Variants in CFAP299 observed in about 807,000 individuals in gnomAD.
CFAP299 encodes cilia- and flagella-associated protein 299.
A neutral mutation model predicts 27.0 loss-of-function variants in CFAP299; 21 were observed. The observed-to-expected ratio is 0.78, with a 90% confidence interval of 0.55 to 1.12. The LOEUF is 1.12. CFAP299 is among the 50% of genes most tolerant of loss of function. The pLI, the probability that CFAP299 is intolerant of heterozygous loss-of-function variation, is 0.00. For synonymous variants in CFAP299, 104 were observed against 98.1 expected (o/e 1.06, Z -0.36); for missense variants, 310 against 276.6 (o/e 1.12, Z -0.86).
intron 3 of CFAP299, among the ~76,000 whole-genome samples, chr4:80,696,732 T>C (rs1369580682): frequency 2.0e-5 from 3 of 152,076 alleles, no homozygotes; most frequent in Admixed American, 6.6e-5. Context: ...ACAGTGACAT[T>C]GAGGTGAAGT....
At chr4:80,812,083 A>G (rs1334993058) in intron 3 of CFAP299, among the ~76,000 whole-genome samples, 1 of 152,122 alleles carries the variant, frequency 6.6e-6, no homozygotes, top group Non-Finnish European at 1.5e-5. Flanking sequence ...GAATACAAAC[A>G]GTATTCATAT....
rs190752375 is a variant in CFAP299 at position 80,523,145 on chromosome 4, C to G, written c.243-59948C>G. Among the ~76,000 whole-genome samples, 772 of 152,104 alleles carry G rather than the reference C, an allele frequency of 5.1e-3. 5 individuals carry two copies. Among genetic ancestry groups the G allele is most frequent in the Middle Eastern group, 0.017 (5 of 292 alleles). On this transcript the variant is annotated intron_variant, in intron 2 of 5. Coordinates refer to ENST00000358105, the MANE Select transcript of CFAP299 (RefSeq NM_152770.3). ...TCATGAGCATAGAGTATCTTTAGGT[C>G]TTCTTTGATTTCTTTCAGCAATATT...
At chr4:80,502,917 C>T (rs1244220831) in intron 2 of CFAP299, among the ~76,000 whole-genome samples, 3 of 151,966 alleles carry the variant, frequency 2.0e-5, no homozygotes, top group Non-Finnish European at 1.5e-5. Context: ...GAATAAAACT[C>T]CAGGAGAACT....
chr4:80,419,070 C>T (rs1727160514), intron 2 of CFAP299, among the ~76,000 whole-genome samples: 1 of 152,144 alleles, frequency 6.6e-6, no homozygotes, highest in African/African-American at 2.4e-5. Flanking sequence ...CTTGCCTCCT[C>T]AGAAGAAAGA....
chr4:80,445,591 G>A (rs574069527), intron 2 of CFAP299, among the ~76,000 whole-genome samples: 50 of 152,158 alleles, frequency 3.3e-4, no homozygotes, highest in African/African-American at 1.2e-3. Context: ...GTTGATGCGT[G>A]GAGCAAACCA....
chr4:80,352,444 G>A (rs752054009), intron 1 of CFAP299, among the ~76,000 whole-genome samples: 2 of 152,118 alleles, frequency 1.3e-5, no homozygotes, highest in Non-Finnish European at 2.9e-5. Context: ...GTGCACACCT[G>A]TAATCCCAGC....
At chr4:80,568,743 A>C (rs891245368) in intron 2 of CFAP299, among the ~76,000 whole-genome samples, 7 of 152,092 alleles carry the variant, frequency 4.6e-5, no homozygotes, top group Non-Finnish European at 1.0e-4. Context: ...TTTATGGAGC[A>C]CATGATTTTT....
intron 2 of CFAP299, among the ~76,000 whole-genome samples, chr4:80,577,511 T>A (rs1735933217): frequency 6.6e-6 from 1 of 150,960 alleles, no homozygotes; most frequent in Admixed American, 6.6e-5. Flanking sequence ...CAAGCGATTC[T>A]CCTGCCTCAG....
In CFAP299 at chr4:80,767,473, G is replaced by A. The variant is rs1725943195; in HGVS notation, c.334-102520G>A. On this transcript the variant is annotated intron_variant, in intron 3 of 5. Transcript: ENST00000358105. ...AAATACAAAAAATTAGCCAGGCGTGGTGGTGGACGCCTGTAGTCCCAGCTA... is the reference window on the plus strand; with the variant it reads ...AAATACAAAAAATTAGCCAGGCGTGATGGTGGACGCCTGTAGTCCCAGCTA... Among the ~76,000 whole-genome samples, 5 of 152,104 alleles carry A rather than the reference G, an allele frequency of 3.3e-5. No homozygotes were observed. The South Asian group carries it at 1.0e-3, about 32-fold the overall frequency.
intron 2 of CFAP299, among the ~76,000 whole-genome samples, chr4:80,453,250 C>T (rs974210779): frequency 2.0e-5 from 3 of 151,908 alleles, no homozygotes; most frequent in African/African-American, 7.3e-5. Context: ...AAAGATCATG[C>T]TTTTGTTTAC....
intron 3 of CFAP299, among the ~76,000 whole-genome samples, chr4:80,606,562 T>C (rs1314753709): frequency 2.6e-5 from 4 of 152,122 alleles, no homozygotes; most frequent in Admixed American, 6.5e-5. Flanking sequence ...TAGCCATAGC[T>C]ACAGTAATAG....
intron 3 of CFAP299, among the ~76,000 whole-genome samples, chr4:80,711,118 G>A (rs1191976418): frequency 6.6e-6 from 1 of 152,206 alleles, no homozygotes; most frequent in Non-Finnish European, 1.5e-5. Context: ...CCCAGAAAGA[G>A]AAAGAACAGT....
chr4:80,955,011 AAAAAAAAAAAAAAAAAAAAAAAAC>A (rs1737988574), intron 5 of CFAP299, among the ~76,000 whole-genome samples: 1 of 118,864 alleles, frequency 8.4e-6, no homozygotes, highest in African/African-American at 3.1e-5. Context: ...AAAAAAAAAA[AAAAAAAAAAAAAAAAAAAAAAAAC>A]GCACACATGG....
At chr4:80,730,817 T>C (rs370510012) in intron 3 of CFAP299, among the ~76,000 whole-genome samples, 4 of 152,352 alleles carry the variant, frequency 2.6e-5, no homozygotes, top group East Asian at 3.9e-4. Context: ...CTCTTTGCAA[T>C]GCATTCATTG....
chr4:80,809,238 T>A (rs1560423543), intron 3 of CFAP299, among the ~76,000 whole-genome samples: 1 of 152,168 alleles, frequency 6.6e-6, no homozygotes, highest in African/African-American at 2.4e-5. Flanking sequence ...ATCTGCACTA[T>A]GGCACACCCT....
chr4:80,698,759 G>A (rs1395005073), intron 3 of CFAP299, among the ~76,000 whole-genome samples: 3 of 152,220 alleles, frequency 2.0e-5, no homozygotes, highest in South Asian at 4.1e-4. Context: ...ATCTTACATG[G>A]CAGCAGGCCA....
chr4:80,407,393 T>C (rs1270017499), intron 2 of CFAP299, among the ~76,000 whole-genome samples: 1 of 152,200 alleles, frequency 6.6e-6, no homozygotes, highest in Non-Finnish European at 1.5e-5. Context: ...GCTGGACTTA[T>C]TCCTCAGTCT....
intron 2 of CFAP299, chr4:80,386,946 A>T: frequency 1.1e-6 from 1 of 869,824 alleles, no homozygotes; most frequent in Admixed American, 1.8e-5. Context: ...GAGGTAATGC[A>T]CCCGCCGGGA....
chr4:80,938,102 A>G (rs1280519078), intron 4 of CFAP299, among the ~76,000 whole-genome samples: 5 of 152,234 alleles, frequency 3.3e-5, no homozygotes, highest in African/African-American at 4.8e-5. Flanking sequence ...TATTCTAGCT[A>G]TAGTTATTTT....
Sources: allele counts gnomAD v4.1 joint callset (sites outside exome capture counted in the v4.1 genomes callset), GRCh38; gene constraint gnomAD v4.1.1; transcripts MANE v1.5; gene names NCBI Gene and HGNC (gene_info 2026-07-23, HGNC 2026-07-21).